GCNT1: variants seen among roughly 807,000 people sequenced by gnomAD.
GCNT1 encodes the protein glucosaminyl (N-acetyl) transferase 1.
GCNT1 carries 16 observed loss-of-function variants against 26.2 expected under a neutral mutation model. The ratio of observed to expected loss-of-function variants is 0.61; its 90% CI spans 0.41 to 0.93. The LOEUF (loss-of-function observed/expected upper bound fraction) is 0.93, where lower values mean the gene tolerates loss of function less well. Among genes scored for constraint, GCNT1 ranks in the 40% least tolerant of loss-of-function variants. The probability of loss-of-function intolerance (pLI) is 0.00; values close to 1 mark genes in which losing one functional copy is unlikely to be tolerated. For missense variants in GCNT1, 477 were observed against 526.7 expected, an observed-to-expected ratio of 0.91 and a Z score of 0.92; for synonymous variants, 183 against 190.8, an observed-to-expected ratio of 0.96 and a Z score of 0.34.
intron 2 of GCNT1, among the ~76,000 whole-genome samples, chr9:76,495,036 A>G (rs560929352): frequency 3.3e-4 from 50 of 152,296 alleles, no homozygotes; most frequent in African/African-American, 1.2e-3. Flanking sequence ...CGGCAGCCGC[A>G]CTAGTCGCTT....
intron 1 of GCNT1, among the ~76,000 whole-genome samples, chr9:76,445,147 C>T (rs1036964328): frequency 3.3e-5 from 5 of 151,980 alleles, no homozygotes; most frequent in Non-Finnish European, 1.5e-5. Context: ...CTGATAGGAA[C>T]GATTCTGTGG....
chr9:76,413,667 TG>T, the GCNT1 span, among the ~76,000 whole-genome samples: 54 of 91,628 alleles, frequency 5.9e-4, no homozygotes, highest in African/African-American at 9.1e-4. Flanking sequence ...TTTTTTTTTT[TG>T]TTTTTTTTTT....
chr9:76,469,350 A>G (rs1046679733), intron 2 of GCNT1, among the ~76,000 whole-genome samples: 4 of 152,218 alleles, frequency 2.6e-5, no homozygotes, highest in Non-Finnish European at 4.4e-5. Flanking sequence ...CCGACCAATC[A>G]GGTAGTGAAG....
chr9:76,488,987 G>A (rs181909756), intron 2 of GCNT1, among the ~76,000 whole-genome samples: 10 of 146,308 alleles, frequency 6.8e-5, no homozygotes, highest in Non-Finnish European at 1.4e-4. Context: ...TCAAGAATTC[G>A]GTGAAGACTG....
intron 1 of GCNT1, among the ~76,000 whole-genome samples, chr9:76,444,451 C>G (rs370755634): frequency 6.6e-5 from 10 of 152,004 alleles, no homozygotes; most frequent in Non-Finnish European, 1.2e-4. Context: ...CAAAGAGTGA[C>G]GAGAACAAAA....
the GCNT1 span, among the ~76,000 whole-genome samples, chr9:76,408,471 T>G: frequency 6.6e-6 from 1 of 152,182 alleles, no homozygotes; most frequent in Non-Finnish European, 1.5e-5. Flanking sequence ...ATTTCCTTGG[T>G]CATGTATATA....
chr9:76,470,802 C>T (rs1334745744), intron 2 of GCNT1, among the ~76,000 whole-genome samples: 2 of 151,996 alleles, frequency 1.3e-5, no homozygotes, highest in Non-Finnish European at 2.9e-5. Flanking sequence ...ACTTAATGTG[C>T]AATTTGCAGA....
intron 1 of GCNT1, among the ~76,000 whole-genome samples, chr9:76,434,743 A>T (rs1245769333): frequency 1.3e-5 from 2 of 152,328 alleles, no homozygotes; most frequent in East Asian, 3.9e-4. Flanking sequence ...GAGCCTATAA[A>T]TGGATGTGCA....
At chr9:76,427,182 C>T (rs1823268781) in intron 1 of GCNT1, among the ~76,000 whole-genome samples, 1 of 146,858 alleles carries the variant, frequency 6.8e-6, no homozygotes, top group Non-Finnish European at 1.5e-5. Flanking sequence ...TCAGGAGACA[C>T]TAATTCTGCC....
chr9:76,491,240 T>TC (rs1309539393), intron 2 of GCNT1, among the ~76,000 whole-genome samples: 1 of 152,152 alleles, frequency 6.6e-6, no homozygotes, highest in Admixed American at 6.5e-5. Context: ...TCTCTGACTT[T>TC]CTCTTTCTCT....
upstream of GCNT1, among the ~76,000 whole-genome samples, chr9:76,458,175 AT>A (rs779648273): frequency 0.13 from 9,757 of 75,590 alleles, 124 homozygotes; most frequent in African/African-American, 0.21. Flanking sequence ...TCTGAGTTGG[AT>A]TTTTTTTTTT....
At chr9:76,416,570 C>T (rs953225848), upstream of GCNT1, among the ~76,000 whole-genome samples, 4 of 152,216 alleles carry the variant, frequency 2.6e-5, no homozygotes, top group South Asian at 2.1e-4. Flanking sequence ...CTTGCCTGCA[C>T]GCTCCCCCTC....
At chr9:76,479,338 T>C (rs1452224152) in intron 2 of GCNT1, among the ~76,000 whole-genome samples, 2 of 152,206 alleles carry the variant, frequency 1.3e-5, no homozygotes, top group Non-Finnish European at 1.5e-5. Flanking sequence ...TGTCTTTCTT[T>C]ATAGGAGCAT....
chr9:76,422,570 G>A (rs942676678), intron 1 of GCNT1, among the ~76,000 whole-genome samples: 1 of 152,030 alleles, frequency 6.6e-6, no homozygotes, highest in Admixed American at 6.6e-5. Context: ...TTGAGACAGG[G>A]TTTTGCTCTA....
the GCNT1 span, chr9:76,394,440 G>T: frequency 5.2e-6 from 2 of 380,968 alleles, no homozygotes; most frequent in Non-Finnish European, 9.4e-6. Context: ...GGGTGTGAGC[G>T]GGGTGGGGGG....
rs544664724 is a variant in GCNT1 at position 76,447,775 on chromosome 9, G to T, written c.-290+5460G>T. ...GTTCATTTAGCATAGGCATTTTGGTGCTCAGCTTTAAAAAAACTCTGTGAG... is the reference window on the plus strand; with the variant it reads ...GTTCATTTAGCATAGGCATTTTGGTTCTCAGCTTTAAAAAAACTCTGTGAG... On this transcript the variant is annotated intron_variant, in intron 1 of 2. Coordinates refer to the GCNT1 transcript ENST00000442371. 3.3e-5 allele frequency among the ~76,000 whole-genome samples: 5 copies of T among 152,240 alleles called. No homozygotes were observed. In the South Asian group the frequency reaches 1.0e-3, roughly 32 times the overall value.
At chr9:76,484,758 A>G (rs1366797368) in intron 2 of GCNT1, among the ~76,000 whole-genome samples, 1 of 150,734 alleles carries the variant, frequency 6.6e-6, no homozygotes, top group Non-Finnish European at 1.5e-5. Flanking sequence ...ATAGCCATGT[A>G]TAAACTGAGC....
At chr9:76,401,547 A>C in the GCNT1 span, among the ~76,000 whole-genome samples, 1 of 152,376 alleles carries the variant, frequency 6.6e-6, no homozygotes, top group East Asian at 1.9e-4. Context: ...GTGTAAAGAA[A>C]GAAAACTAAT....
intron 2 of GCNT1, among the ~76,000 whole-genome samples, chr9:76,461,750 G>A (rs962697847): frequency 6.6e-6 from 1 of 151,530 alleles, no homozygotes; most frequent in Non-Finnish European, 1.5e-5. Flanking sequence ...TTAGCCAGGT[G>A]TGGTGGTGGG....
Sources: allele counts gnomAD v4.1 joint callset (sites outside exome capture counted in the v4.1 genomes callset), GRCh38; gene constraint gnomAD v4.1.1; transcripts MANE v1.5; gene names NCBI Gene and HGNC (gene_info 2026-07-23, HGNC 2026-07-21).